The following WDR7 variants were observed in gnomAD, a reference collection of about 807,000 sequenced individuals.
WDR7 encodes WD repeat domain 7, also known as WD repeat-containing protein 7.
In WDR7, 46 loss-of-function variants were observed where a neutral mutation model predicts 169.4. That is an observed-to-expected ratio of 0.27 (90% CI 0.21 to 0.35). The LOEUF is 0.35. Among genes scored for constraint, WDR7 ranks in the 10% least tolerant of loss-of-function variants. The pLI is 1.00. For synonymous variants in WDR7, 612 were observed against 666.8 expected (o/e 0.92, Z 1.27); for missense variants, 1,534 against 1,859.3 (o/e 0.83, Z 3.22).
At chr18:56,770,739 G>A (rs889994395) in intron 16 of WDR7, among the ~76,000 whole-genome samples, 2 of 152,022 alleles carry the variant, frequency 1.3e-5, no homozygotes, top group East Asian at 3.9e-4. Context: ...CTGCACCTTT[G>A]TACTGCCCTA....
chr18:56,710,759 C>T (rs1383973485), intron 12 of WDR7, among the ~76,000 whole-genome samples: 3 of 152,120 alleles, frequency 2.0e-5, no homozygotes, highest in Non-Finnish European at 4.4e-5. Flanking sequence ...ATGTTAGTTA[C>T]TTATATGCTT....
chr18:56,971,882 T>A (rs2047493714), intron 26 of WDR7, among the ~76,000 whole-genome samples: 2 of 152,168 alleles, frequency 1.3e-5, no homozygotes, highest in South Asian at 4.1e-4. Flanking sequence ...ATTTCACAAA[T>A]CTTAAGTGAG....
intron 20 of WDR7, among the ~76,000 whole-genome samples, chr18:56,861,776 C>A (rs963077606): frequency 2.6e-5 from 4 of 152,106 alleles, no homozygotes; most frequent in African/African-American, 4.8e-5. Flanking sequence ...AAATAAGTAT[C>A]ATAATATTGA....
chr18:56,695,274 G>T, intron 11 of WDR7, 76 bp downstream of exon 11: 1 of 1,538,512 alleles, frequency 6.5e-7, no homozygotes. Context: ...TCTGTTTTTT[G>T]TTTTTAAATA....
intron 26 of WDR7, among the ~76,000 whole-genome samples, chr18:56,998,236 A>AGATT (rs932152924): frequency 6.6e-6 from 1 of 152,106 alleles, no homozygotes; most frequent in Non-Finnish European, 1.5e-5. Flanking sequence ...GACCCATGAG[A>AGATT]GATTGGGTTT....
chr18:56,655,466 G>A (rs1178091914), intron 1 of WDR7, among the ~76,000 whole-genome samples: 7 of 151,866 alleles, frequency 4.6e-5, no homozygotes, highest in Admixed American at 1.3e-4. Flanking sequence ...CAAAAAATAC[G>A]AAAATTAGTC....
intron 20 of WDR7, among the ~76,000 whole-genome samples, chr18:56,856,272 G>A (rs1431766344): frequency 3.9e-5 from 6 of 152,114 alleles, no homozygotes; most frequent in East Asian, 1.9e-4. Context: ...AGTGGCTCAC[G>A]CCTGTAATCC....
intron 26 of WDR7, among the ~76,000 whole-genome samples, chr18:56,982,085 A>AC (rs1249985185): frequency 1.4e-4 from 22 of 152,148 alleles, no homozygotes. Flanking sequence ...TTTAATGTTA[A>AC]CCCCCAAAAT....
intron 21 of WDR7, among the ~76,000 whole-genome samples, chr18:56,911,613 TTGAC>T (rs1415993037): frequency 3.9e-5 from 6 of 152,212 alleles, no homozygotes; most frequent in African/African-American, 9.6e-5. Context: ...TCTGGGGTCT[TTGAC>T]TGTGTATGCG....
intron 20 of WDR7, among the ~76,000 whole-genome samples, chr18:56,838,163 G>A (rs1378518176): frequency 6.6e-6 from 1 of 152,082 alleles, no homozygotes; most frequent in Non-Finnish European, 1.5e-5. Context: ...TTAAGTCTAA[G>A]CACTCAGCAT....
chr18:57,002,344 A>G (rs2047994860), intron 26 of WDR7, among the ~76,000 whole-genome samples: 3 of 152,194 alleles, frequency 2.0e-5, no homozygotes, highest in East Asian at 1.9e-4. Flanking sequence ...ATCTAAATGG[A>G]TACCTATTTT....
At chr18:56,831,180 G>A (rs936807294) in intron 20 of WDR7, among the ~76,000 whole-genome samples, 8 of 152,140 alleles carry the variant, frequency 5.3e-5, no homozygotes, top group Admixed American at 5.2e-4. Context: ...TTCAGAAAGA[G>A]TCAAATCCTG....
chr18:56,891,983 A>G (rs918992153), intron 21 of WDR7, among the ~76,000 whole-genome samples: 1 of 152,036 alleles, frequency 6.6e-6, no homozygotes, highest in Non-Finnish European at 1.5e-5. Context: ...CTTGTAAATA[A>G]TATATGTTGT....
chr18:56,812,884 C>T (rs1171931572), intron 19 of WDR7, among the ~76,000 whole-genome samples: 4 of 151,982 alleles, frequency 2.6e-5, no homozygotes, highest in South Asian at 2.1e-4. Context: ...CAGGAAACAC[C>T]GTCACACACA....
intron 26 of WDR7, among the ~76,000 whole-genome samples, chr18:56,977,743 T>G (rs576681643): frequency 6.6e-6 from 1 of 152,312 alleles, no homozygotes; most frequent in African/African-American, 2.4e-5. Context: ...AATGAAAACA[T>G]TATATAAGAA....
At chr18:56,694,287 T>G (rs1278003484) in intron 9 of WDR7, among the ~76,000 whole-genome samples, 2 of 151,942 alleles carry the variant, frequency 1.3e-5, no homozygotes, top group Non-Finnish European at 2.9e-5. Flanking sequence ...TGTTAATTAT[T>G]TAATAATAGG....
chr18:56,774,823 T>C (rs1336358512), intron 16 of WDR7, among the ~76,000 whole-genome samples: 1 of 152,116 alleles, frequency 6.6e-6, no homozygotes, highest in African/African-American at 2.4e-5. Context: ...AATCTGATTC[T>C]TTGATTTCTA....
intron 21 of WDR7, among the ~76,000 whole-genome samples, chr18:56,906,678 G>A (rs534124077): frequency 2.6e-5 from 4 of 152,020 alleles, no homozygotes; most frequent in South Asian, 4.2e-4. Context: ...TGAGTAGCTG[G>A]GATTACAGAC....
chr18:56,759,055 T>C, intron 16 of WDR7, 102 bp downstream of exon 16: 2 of 905,496 alleles, frequency 2.2e-6, no homozygotes, highest in Non-Finnish European at 3.2e-6. Flanking sequence ...TCTTGGATTG[T>C]TAAAAGAGAG....
Sources: gnomAD v4.1 joint callset for allele counts (sites outside exome capture counted in the v4.1 genomes callset) on GRCh38, gnomAD v4.1.1 for gene constraint, MANE v1.5 for transcripts, NCBI Gene and HGNC (gene_info 2026-07-23, HGNC 2026-07-21) for gene names.